Variants in KANSL1 observed in about 807,000 individuals in gnomAD.
KANSL1 encodes MLL1/MLL complex subunit KANSL1.
A neutral mutation model predicts 103.6 loss-of-function variants in KANSL1; 22 were observed. The observed-to-expected ratio is 0.21, with a 90% confidence interval of 0.15 to 0.30. The LOEUF is 0.30. Ranked by LOEUF, KANSL1 falls within the 10% of genes least tolerant of loss-of-function variation. The pLI, the probability that KANSL1 is intolerant of heterozygous loss-of-function variation, is 1.00. For missense variants in KANSL1, 1,337 were observed against 1,399.8 expected, an observed-to-expected ratio of 0.96 and a Z score of 0.72; for synonymous variants, 600 against 527.6, an observed-to-expected ratio of 1.14 and a Z score of -1.88.
intron 2 of KANSL1, among the ~76,000 whole-genome samples, chr17:46,163,238 G>A (rs575488717): frequency 2.0e-5 from 3 of 152,302 alleles, no homozygotes; most frequent in Non-Finnish European, 2.9e-5. Flanking sequence ...GCATGTAGCA[G>A]GCATTCAATG....
chr17:46,151,961 C>T (rs1473105597), intron 2 of KANSL1, among the ~76,000 whole-genome samples: 1 of 152,230 alleles, frequency 6.6e-6, no homozygotes, highest in East Asian at 1.9e-4. Flanking sequence ...CATACAGATG[C>T]TTGGATCCCA....
intron 1 of KANSL1, among the ~76,000 whole-genome samples, chr17:46,191,179 G>A (rs2047301674): frequency 1.3e-5 from 2 of 152,184 alleles, no homozygotes; most frequent in Admixed American, 1.3e-4. Flanking sequence ...TAAAGAAACA[G>A]ATAAAGGAAT....
intron 7 of KANSL1, chr17:46,040,922 A>C (rs1485947990): frequency 6.6e-6 from 1 of 152,232 alleles, no homozygotes; most frequent in East Asian, 1.9e-4. Context: ...GATGGGCAGA[A>C]GTTGGAAGAG....
rs776004633 is a variant in KANSL1 at position 46,115,975 on chromosome 17, G to A, written c.1290-21274C>T. 6.6e-4 allele frequency among the ~76,000 whole-genome samples: 100 copies of A among 152,174 alleles called. 1 individual carries two copies. The highest frequency in any genetic ancestry group is 1.2e-3 in the Admixed American group (18 of 15,282). Reference sequence around the variant, plus strand: ...CAGAGTTGGAAACTACGGTGGAAACGTTTCCATTTATGGCACATTTTCTGA... The same window carrying A: ...CAGAGTTGGAAACTACGGTGGAAACATTTCCATTTATGGCACATTTTCTGA... On this transcript the variant is annotated intron_variant, in intron 2 of 14. Coordinates refer to ENST00000432791, the MANE Select transcript of KANSL1 (RefSeq NM_015443.4).
At chr17:46,174,435 G>A (rs1468574923) in intron 1 of KANSL1, among the ~76,000 whole-genome samples, 3 of 152,190 alleles carry the variant, frequency 2.0e-5, no homozygotes, top group African/African-American at 4.8e-5. Flanking sequence ...CGCCCACCTC[G>A]GCCTTCCAAA....
chr17:46,123,423 G>A (rs1362991326), intron 2 of KANSL1, among the ~76,000 whole-genome samples: 1 of 152,208 alleles, frequency 6.6e-6, no homozygotes, highest in Admixed American at 6.5e-5. Context: ...AAGTGATTAA[G>A]CTTCTGAGAA....
chr17:46,062,766 T>C (rs115110322), intron 6 of KANSL1, among the ~76,000 whole-genome samples: 3,937 of 150,198 alleles, frequency 0.026, 173 homozygotes, highest in African/African-American at 0.091. Flanking sequence ...ACACAGTAAT[T>C]GGGCTGGGTG....
At chr17:46,109,272 A>C (rs1567684563) in intron 2 of KANSL1, among the ~76,000 whole-genome samples, 1 of 152,206 alleles carries the variant, frequency 6.6e-6, no homozygotes, top group Non-Finnish European at 1.5e-5. Flanking sequence ...CACAACTTGA[A>C]TGGAAACTTG....
intron 2 of KANSL1, among the ~76,000 whole-genome samples, chr17:46,157,359 T>C (rs1466236793): frequency 6.6e-6 from 1 of 152,210 alleles, no homozygotes; most frequent in Non-Finnish European, 1.5e-5. Context: ...ATCTTACCAT[T>C]CAAGGATGAA....
At chr17:46,221,309 C>A (rs2048527006) in intron 1 of KANSL1, 1 of 151,760 alleles carries the variant, frequency 6.6e-6, no homozygotes, top group Admixed American at 6.6e-5. Flanking sequence ...GACCCTGTAT[C>A]TTTTCTCTCC....
chr17:46,098,306 C>T (rs1038887825), intron 2 of KANSL1, among the ~76,000 whole-genome samples: 10 of 152,058 alleles, frequency 6.6e-5, no homozygotes, highest in Non-Finnish European at 1.3e-4. Context: ...AAACTACCAC[C>T]ACACCAGGTC....
rs1330337509 is a variant in KANSL1 at position 46,172,175 on chromosome 17, CCCGATG to C, written c.-38_-33del. ...CAGAGAGACAGGAAGTCCAGCCTCT[CCCGATG>C]CCGAGGCCGAGGCCAGCTCCACGGC... On this transcript the variant is annotated 5_prime_UTR_variant, in exon 2 of 15. Coordinates refer to ENST00000432791, the MANE Select transcript of KANSL1 (RefSeq NM_015443.4). The C allele has an allele frequency of 1.3e-6, 2 of 1,588,432 alleles. No individual in the cohort carries two copies. Among genetic ancestry groups the C allele is most frequent in the African/African-American group, 1.3e-5 (1 of 74,422 alleles).
intron 1 of KANSL1, among the ~76,000 whole-genome samples, chr17:46,191,215 A>G (rs1477951781): frequency 1.3e-5 from 2 of 152,246 alleles, no homozygotes; most frequent in African/African-American, 2.4e-5. Context: ...CTACAGGATT[A>G]AAAGTAAAAA....
chr17:46,139,656 C>T (rs2044322843), intron 2 of KANSL1, among the ~76,000 whole-genome samples: 2 of 152,198 alleles, frequency 1.3e-5, no homozygotes, highest in African/African-American at 4.8e-5. Context: ...ATGTCTAGTA[C>T]TCCTGTTGCC....
intron 2 of KANSL1, among the ~76,000 whole-genome samples, chr17:46,139,685 G>A (rs1383132774): frequency 3.3e-5 from 5 of 152,084 alleles, no homozygotes; most frequent in Non-Finnish European, 7.4e-5. Context: ...AAAATGTGAA[G>A]GATTATTACG....
At chr17:46,084,749 GAGAAAGGCCATTAACT>G (rs995951780) in intron 3 of KANSL1, among the ~76,000 whole-genome samples, 6 of 86,198 alleles carry the variant, frequency 7.0e-5, no homozygotes, top group African/African-American at 2.8e-4. Context: ...TCAGAAACAA[GAGAAAGGCCATTAACT>G]AGTAAGCAAG....
chr17:46,083,401 TAAG>T (rs2079050467), intron 3 of KANSL1, among the ~76,000 whole-genome samples: 1 of 152,174 alleles, frequency 6.6e-6, no homozygotes, highest in African/African-American at 2.4e-5. Context: ...CTAACTAGAT[TAAG>T]AAGCTCTTAA....
At chr17:46,222,919 T>C (rs2048577159) in intron 1 of KANSL1, 1 of 151,730 alleles carries the variant, frequency 6.6e-6, no homozygotes, top group Non-Finnish European at 1.5e-5. Context: ...CCTACTTAAG[T>C]CTTAAGCTCT....
At chr17:46,185,543 T>G (rs1216676633) in intron 1 of KANSL1, among the ~76,000 whole-genome samples, 1 of 152,138 alleles carries the variant, frequency 6.6e-6, no homozygotes, top group Non-Finnish European at 1.5e-5. Context: ...AACAGAAATA[T>G]TCTCATAGGT....
Sources: allele counts gnomAD v4.1 joint callset (sites outside exome capture counted in the v4.1 genomes callset), GRCh38; gene constraint gnomAD v4.1.1; transcripts MANE v1.5; gene names NCBI Gene and HGNC (gene_info 2026-07-23, HGNC 2026-07-21).